The following MMP12 variants were observed in gnomAD, a reference collection of about 807,000 sequenced individuals.
MMP12 encodes the protein matrix metallopeptidase 12.
A neutral mutation model predicts 45.2 loss-of-function variants in MMP12; 51 were observed. That is an observed-to-expected ratio of 1.13 (90% CI 0.90 to 1.42). The LOEUF is 1.42. Ranked by LOEUF, MMP12 falls within the 40% of genes most tolerant of loss-of-function variation. MMP12 has a pLI of 0.00. For missense variants in MMP12, 530 were observed against 570.8 expected, an observed-to-expected ratio of 0.93 and a Z score of 0.73; for synonymous variants, 210 against 193.3, an observed-to-expected ratio of 1.09 and a Z score of -0.72.
chr11:102,871,984 T>C (rs1309349850), intron 2 of MMP12, 32 bp from the exon 3 acceptor site: 3 of 1,573,454 alleles, frequency 1.9e-6, no homozygotes, highest in South Asian at 1.2e-5. Context: ...GAAAAATGTA[T>C]GGAAGGCAGT....
intron 7 of MMP12, 70 bp downstream of exon 7, chr11:102,866,245 T>C: frequency 6.5e-6 from 9 of 1,393,712 alleles, no homozygotes; most frequent in Non-Finnish European, 8.7e-6. Flanking sequence ...TATTAAAAAG[T>C]AGTAGTCTCT....
chr11:102,873,669 C>T (rs993261238), intron 1 of MMP12, among the ~76,000 whole-genome samples: 30 of 152,144 alleles, frequency 2.0e-4, no homozygotes, highest in South Asian at 4.2e-4. Flanking sequence ...GATTTATTCC[C>T]GGAATCCCAG....
chr11:102,867,147 C>T (rs1166773611), intron 6 of MMP12, 123 bp downstream of exon 6: 10 of 828,212 alleles, frequency 1.2e-5, no homozygotes, highest in African/African-American at 1.7e-5. Context: ...CCTACAGAAT[C>T]GAGTCCAAGT....
At chr11:102,867,721 G>T (rs1471410587) in intron 5 of MMP12, among the ~76,000 whole-genome samples, 187 bp downstream of exon 5, 1 of 152,070 alleles carries the variant, frequency 6.6e-6, no homozygotes, top group African/African-American at 2.4e-5. Context: ...TGGCTCTGAC[G>T]TTAACATACT....
Position 102,872,933 on chromosome 11 carries a change from G to T in MMP12, c.282C>A (p.Val94=). The change falls in exon 2 of 10, where the codon GTC becomes GTA. Residue 94 remains valine (V), a synonymous_variant. Coordinates refer to ENST00000571244, the MANE Select transcript of MMP12 (RefSeq NM_002426.6). ...TTTCCCTGAAATGATGGACATCGGG[G>T]ACTCCACATCGAGGTGCGTGCATCA... ...LEMMHAPRCG[V]PDVHHFREMP... is the part of the protein sequence containing the mutation. 1 of 1,613,740 alleles carries T rather than the reference G, an allele frequency of 6.2e-7. No homozygotes were observed.
chr11:102,874,821 A>G lies in MMP12; in HGVS notation c.102+15T>C. The stretch of plus-strand genomic sequence containing the variant: ...AAACATCAAGCTCGATAAATACTGT[A>G]GTGTCCATACTTACTTCACCAAATA... On this transcript the variant is annotated intron_variant, in intron 1 of 9. Transcript: ENST00000571244. 3.5e-6 allele frequency: 5 copies of G among 1,449,104 alleles called. No individual in the cohort carries two copies. Among genetic ancestry groups the G allele is most frequent in the Non-Finnish European group, 4.8e-6 (5 of 1,040,528 alleles). The allele number at this position is 1,449,104 out of a possible 1,614,324, so 89.8% of individuals were successfully genotyped here. A position where few individuals can be genotyped will look rare whatever the true frequency, so the allele number is the denominator to read the frequency against.
At chr11:102,867,796 A>T in intron 5 of MMP12, 112 bp downstream of exon 5, 1 of 1,131,774 alleles carries the variant, frequency 8.8e-7, no homozygotes, top group Non-Finnish European at 1.3e-6. Context: ...CAGGGTTCTT[A>T]TGCGGCTTAA....
At chr11:102,868,409 T>C (rs186620877) in intron 4 of MMP12, among the ~76,000 whole-genome samples, 2 of 152,304 alleles carry the variant, frequency 1.3e-5, no homozygotes, top group Non-Finnish European at 1.5e-5. Flanking sequence ...AGTAGACAAA[T>C]GAAATATATT....
chr11:102,866,294 A>G (rs1462176592), intron 7 of MMP12, 21 bp downstream of exon 7: 12 of 1,551,650 alleles, frequency 7.7e-6, no homozygotes, highest in East Asian at 2.3e-5. Flanking sequence ...ACTCAATGGC[A>G]AAACTAAAGA....
intron 1 of MMP12, among the ~76,000 whole-genome samples, chr11:102,873,757 AGTG>A (rs1382257451): frequency 1.3e-5 from 2 of 152,182 alleles, no homozygotes; most frequent in Non-Finnish European, 2.9e-5. Context: ...GGCTGGCCAC[AGTG>A]GTGCATACCG....
At chr11:102,866,259 C>T in intron 7 of MMP12, 56 bp downstream of exon 7, 1 of 1,470,126 alleles carries the variant, frequency 6.8e-7, no homozygotes, top group South Asian at 1.3e-5. Context: ...AGTCTCTTCT[C>T]AATTTATTCT....
At chr11:102,864,420 G>C (rs1555008239) in intron 8 of MMP12, among the ~76,000 whole-genome samples, 168 bp from the exon 9 acceptor site, 1 of 152,118 alleles carries the variant, frequency 6.6e-6, no homozygotes. Flanking sequence ...AGTCCCTATA[G>C]GACTCAAACC....
At position 102,874,910 on chromosome 11, in the gene MMP12, G is replaced by T. The variant is rs200319307; in HGVS notation, c.28C>A (p.Gln10Lys). ...GGAAGAGCTCCAGAAGCAGTGGCCT[G>T]CAGGAGCAGTATTAGAAGAAACTTC... MKFLLILLLQATASGALPLN... is the reference protein window; with the variant it reads MKFLLILLLKATASGALPLN... The change falls in exon 1 of 10, where the codon CAG (glutamine) becomes AAG (lysine). Residue 10 changes from glutamine to lysine, a missense_variant. Transcript: ENST00000571244. 3 of 1,602,708 alleles carry T rather than the reference G, an allele frequency of 1.9e-6. No individual in the cohort carries two copies. Among genetic ancestry groups the T allele is most frequent in the Non-Finnish European group, 8.5e-7 (1 of 1,174,164 alleles).
At chr11:102,864,410 A>C (rs1198096415) in intron 8 of MMP12, among the ~76,000 whole-genome samples, 158 bp from the exon 9 acceptor site, 1 of 152,188 alleles carries the variant, frequency 6.6e-6, no homozygotes, top group African/African-American at 2.4e-5. Flanking sequence ...ATTTCCTCTG[A>C]GTCCCTATAG....
rs1555008845 is a variant in MMP12, at chr11:102,868,021, C to T, written c.674G>A (p.Gly225Asp). Residue 225 changes from glycine to aspartate, a missense_variant, in exon 5 of 10, where the codon GGT becomes GAT. By Grantham distance (94) the Gly-to-Asp change is moderately conservative. Transcript: ENST00000571244. ...TAVHEIGHSLGLGHSSDPKAV... is the reference protein window; with the variant it reads ...TAVHEIGHSLDLGHSSDPKAV... ...CTTTGGATCACTAGAATGGCCAAGA[C>T]CTAAGGAATGGCCAATCTCGTGAAC... is the stretch of plus-strand genomic sequence containing the variant. The T allele has an allele frequency of 6.2e-7, 1 of 1,604,706 alleles. No individual in the cohort carries two copies. Among genetic ancestry groups the T allele is most frequent in the South Asian group, 1.1e-5 (1 of 88,766 alleles).
rs531964518 is a variant in MMP12 at position 102,863,047 on chromosome 11, T to C, written c.*53A>G. The C allele has an allele frequency of 1.7e-6, 2 of 1,197,358 alleles. No homozygotes were observed. The highest frequency in any genetic ancestry group is 3.0e-5 in the African/African-American group (2 of 65,768). The allele number at this position is 1,197,358 out of a possible 1,614,324, so 74.2% of individuals were successfully genotyped here. ...CACTGAGGACATAGCAAATATGCAA[T>C]AAATACTTATTAAGCTGAAGTGAAC... On this transcript the variant is annotated 3_prime_UTR_variant, in exon 10 of 10. Transcript: ENST00000571244.
At chr11:102,873,859 T>G (rs1464601880) in intron 1 of MMP12, among the ~76,000 whole-genome samples, 1 of 151,278 alleles carries the variant, frequency 6.6e-6, no homozygotes, top group Non-Finnish European at 1.5e-5. Flanking sequence ...TGAAACCCTG[T>G]CTCTACTAAA....
Position 102,863,081 on chromosome 11 carries a change from A to C in MMP12, c.*19T>G, listed in dbSNP as rs56184183. 1.5e-3 allele frequency: 2,281 copies of C among 1,541,202 alleles called. 2 individuals are homozygous for C. Among genetic ancestry groups the C allele is most frequent in the Non-Finnish European group, 1.8e-3 (2,019 of 1,120,616 alleles). Reference sequence around the variant, plus strand: ...ATTAAGCTGAAGTGAACTAACAAAAACCATTAATTACACCATTTCTAACAA... The same window carrying C: ...ATTAAGCTGAAGTGAACTAACAAAACCCATTAATTACACCATTTCTAACAA... On this transcript the variant is annotated 3_prime_UTR_variant, in exon 10 of 10. Coordinates refer to ENST00000571244, the MANE Select transcript of MMP12 (RefSeq NM_002426.6).
At chr11:102,863,274 C>T in intron 9 of MMP12, 74 bp from the exon 10 acceptor site, 1 of 873,786 alleles carries the variant, frequency 1.1e-6, no homozygotes, top group Non-Finnish European at 1.8e-6. Flanking sequence ...CAACACAAAT[C>T]TCTTCTCATA....
Sources: gnomAD v4.1 joint callset for allele counts (sites outside exome capture counted in the v4.1 genomes callset) on GRCh38, gnomAD v4.1.1 for gene constraint, MANE v1.5 for transcripts, NCBI Gene and HGNC (gene_info 2026-07-23, HGNC 2026-07-21) for gene names.